L3HYPDH: variants seen among roughly 807,000 people sequenced by gnomAD.
L3HYPDH encodes trans-L-3-hydroxyproline dehydratase.
L3HYPDH carries 32 observed loss-of-function variants against 26.5 expected under a neutral mutation model. The ratio of observed to expected loss-of-function variants is 1.21; its 90% CI spans 0.91 to 1.62. L3HYPDH has a LOEUF of 1.62. L3HYPDH is among the 40% of genes most tolerant of loss of function. The pLI is 0.00. For missense variants in L3HYPDH, 554 were observed against 476.4 expected, an observed-to-expected ratio of 1.16 and a Z score of -1.52; for synonymous variants, 215 against 196.6, an observed-to-expected ratio of 1.09 and a Z score of -0.78.
chr14:59,471,461 A>T (rs1437132689), downstream of L3HYPDH, among the ~76,000 whole-genome samples: 1 of 152,154 alleles, frequency 6.6e-6, no homozygotes, highest in Non-Finnish European at 1.5e-5. Context: ...ACAGTGGCAT[A>T]CCACGGGTAG....
downstream of L3HYPDH, among the ~76,000 whole-genome samples, chr14:59,468,353 T>C (rs1889242964): frequency 6.6e-6 from 1 of 152,234 alleles, no homozygotes; most frequent in Non-Finnish European, 1.5e-5. Flanking sequence ...ACTTTCCTTC[T>C]TTTTTCTGTG....
At chr14:59,481,976 A>G (rs1890058774) in intron 1 of L3HYPDH, among the ~76,000 whole-genome samples, 1 of 152,240 alleles carries the variant, frequency 6.6e-6, no homozygotes, top group South Asian at 2.1e-4. Flanking sequence ...AGGTTTCTCA[A>G]GAGGACCAGA....
chr14:59,483,507 T>G, intron 1 of L3HYPDH: 1 of 1,318,048 alleles, frequency 7.6e-7, no homozygotes, highest in Non-Finnish European at 9.7e-7. Flanking sequence ...TATCCACCGG[T>G]GAAATCTCTA....
chr14:59,493,619 CTA>C, the L3HYPDH span, among the ~76,000 whole-genome samples: 152 of 152,280 alleles, frequency 1.0e-3, no homozygotes, highest in Middle Eastern at 6.8e-3. Flanking sequence ...AAAAGGTTGA[CTA>C]TAAGATAAAT....
intron 1 of L3HYPDH, among the ~76,000 whole-genome samples, chr14:59,480,038 G>C (rs1042662331): frequency 3.9e-5 from 6 of 152,160 alleles, no homozygotes; most frequent in African/African-American, 1.4e-4. Context: ...AAAGGGGGCT[G>C]GGTGATGTTT....
In L3HYPDH at chr14:59,484,251, C is replaced by A; in HGVS notation, c.66G>T (p.Val22=). Residue 22 remains valine (V), a synonymous_variant, in exon 1 of 5, where the codon GTG becomes GTT. Coordinates refer to ENST00000247194, the MANE Select transcript of L3HYPDH (RefSeq NM_144581.2). ...PHDPGTPVLS[V]VDMHTGGEPL... ...GCTCGCCGCCCGTGTGCATGTCCAC[C>A]ACCGACAGCACCGGCGTCCCTGGAT... is the stretch of plus-strand genomic sequence containing the variant. 1 of 1,597,840 alleles carries A rather than the reference C, an allele frequency of 6.3e-7. No individual in the cohort carries two copies. Among genetic ancestry groups the A allele is most frequent in the African/African-American group, 1.3e-5 (1 of 75,046 alleles).
In L3HYPDH at chr14:59,472,956, T is replaced by C. The variant is rs1383819351; in HGVS notation, c.*9A>G. ...TTTAAAAAGAAAGCCCTTAAAATCA[T>C]GGAAGAAGTCACTTGAGAAGAAATC... On this transcript the variant is annotated 3_prime_UTR_variant, in exon 5 of 5. Transcript: ENST00000247194. 5 of 1,580,038 alleles carry C rather than the reference T, an allele frequency of 3.2e-6. No homozygotes were observed. Among genetic ancestry groups the C allele is most frequent in the Non-Finnish European group, 4.3e-6 (5 of 1,169,566 alleles).
chr14:59,482,161 G>T (rs1242901926), intron 1 of L3HYPDH, among the ~76,000 whole-genome samples: 1 of 152,140 alleles, frequency 6.6e-6, no homozygotes. Context: ...TCTGAGGTGG[G>T]TACTGTTGTC....
chr14:59,474,732 T>C (rs952369908), intron 4 of L3HYPDH: 5 of 412,254 alleles, frequency 1.2e-5, no homozygotes, highest in African/African-American at 2.1e-5. Context: ...ACTGACCTTG[T>C]AGGATTCTTG....
At chr14:59,497,878 T>C in the L3HYPDH span, among the ~76,000 whole-genome samples, 1 of 152,156 alleles carries the variant, frequency 6.6e-6, no homozygotes. Context: ...GCTGACTTCC[T>C]AGGACACTCC....
chr14:59,487,968 T>C, upstream of L3HYPDH: 1 of 829,958 alleles, frequency 1.2e-6, no homozygotes, highest in Admixed American at 2.3e-5. Context: ...TATTCTTAAC[T>C]GTGACAAGAA....
intron 1 of L3HYPDH, among the ~76,000 whole-genome samples, chr14:59,466,975 GTCAA>G (rs1889202580): frequency 1.3e-5 from 2 of 152,000 alleles, no homozygotes; most frequent in Non-Finnish European, 2.9e-5. Flanking sequence ...TCTTAATTTT[GTCAA>G]TCAAAGCAAA....
At chr14:59,497,014 T>G in the L3HYPDH span, among the ~76,000 whole-genome samples, 1 of 151,344 alleles carries the variant, frequency 6.6e-6, no homozygotes, top group African/African-American at 2.4e-5. Context: ...TTTTTTTTTT[T>G]GCAAGTCAAC....
chr14:59,472,023 A>G (rs969075805), downstream of L3HYPDH, among the ~76,000 whole-genome samples: 6 of 152,232 alleles, frequency 3.9e-5, no homozygotes, highest in African/African-American at 1.4e-4. Flanking sequence ...AGCCTGTTAA[A>G]TGAATTAATT....
the L3HYPDH span, among the ~76,000 whole-genome samples, chr14:59,502,773 T>TTTTTTTTTTGTTTTTTTTTTTTTTTTTTG: frequency 9.7e-6 from 1 of 102,836 alleles, no homozygotes. Flanking sequence ...TTTTTTTTTT[T>TTTTTTTTTTGTTTTTTTTTTTTTTTTTTG]CGGAGTCTCA....
chr14:59,496,395 C>A, the L3HYPDH span, among the ~76,000 whole-genome samples: 4 of 151,762 alleles, frequency 2.6e-5, no homozygotes, highest in African/African-American at 7.2e-5. Flanking sequence ...CATAACTTAA[C>A]GTGGTCCTAT....
At chr14:59,490,046 C>T in the L3HYPDH span, among the ~76,000 whole-genome samples, 1 of 152,126 alleles carries the variant, frequency 6.6e-6, no homozygotes, top group Non-Finnish European at 1.5e-5. Context: ...TCTCAGCCTT[C>T]CAAGTAGCTG....
At chr14:59,482,543 C>T (rs1174426946) in intron 1 of L3HYPDH, among the ~76,000 whole-genome samples, 1 of 152,112 alleles carries the variant, frequency 6.6e-6, no homozygotes, top group African/African-American at 2.4e-5. Flanking sequence ...CTGGTAGCCA[C>T]GCTAGTTAAA....
the L3HYPDH span, among the ~76,000 whole-genome samples, chr14:59,490,696 A>C: frequency 6.6e-6 from 1 of 152,222 alleles, no homozygotes; most frequent in East Asian, 1.9e-4. Flanking sequence ...AATAATTTAT[A>C]AAAATACTTT....
Sources: gnomAD v4.1 joint callset for allele counts (sites outside exome capture counted in the v4.1 genomes callset) on GRCh38, gnomAD v4.1.1 for gene constraint, MANE v1.5 for transcripts, NCBI Gene and HGNC (gene_info 2026-07-23, HGNC 2026-07-21) for gene names.